MRPL53: variants seen among roughly 807,000 people sequenced by gnomAD.
MRPL53 encodes large ribosomal subunit protein mL53.
A neutral mutation model predicts 7.5 loss-of-function variants in MRPL53; 7 were observed. That is an observed-to-expected ratio of 0.93 (90% CI 0.53 to 1.75). The LOEUF (loss-of-function observed/expected upper bound fraction) is 1.75. MRPL53 is among the 40% of genes most tolerant of loss of function. The probability of loss-of-function intolerance (pLI) is 0.00; values close to 1 mark genes in which losing one functional copy is unlikely to be tolerated. For synonymous variants in MRPL53, 84 were observed against 64.4 expected, an observed-to-expected ratio of 1.30 and a Z score of -1.46; for missense variants, 185 against 159.0, an observed-to-expected ratio of 1.16 and a Z score of -0.88.
chr2:74,472,067 G>C lies in MRPL53; in HGVS notation c.*52C>G. ...AATGATTAAGTGAAACTCTTCTTAG[G>C]TTAAGTGTCCTAGTCCACGCTAAAA... On this transcript the variant is annotated 3_prime_UTR_variant, in exon 3 of 3. Transcript: ENST00000258105. 1.9e-6 allele frequency: 3 copies of C among 1,602,948 alleles called. No individual in the cohort carries two copies. The highest frequency in any genetic ancestry group is 2.6e-6 in the Non-Finnish European group (3 of 1,172,760).
Position 74,472,375 on chromosome 2 carries a change from C to T in MRPL53, c.188G>A (p.Cys63Tyr), listed in dbSNP as rs150665596. 10 of 1,613,980 alleles carry T rather than the reference C, an allele frequency of 6.2e-6. No individual in the cohort carries two copies. Among genetic ancestry groups the T allele is most frequent in the Non-Finnish European group, 8.5e-6 (10 of 1,179,932 alleles). ...AAGCCCACCGAACAGCACGTCCACG[C>T]AGGGCTCGGAGCCGTCATGCCTCAC... ...ADVRHDGSEP[C>Y]VDVLFGDGHR... The change falls in exon 2 of 3, where the codon TGC becomes TAC. Residue 63 changes from cysteine (C) to tyrosine (Y), a missense_variant. Physicochemically the swap from Cys to Tyr is radical, Grantham distance 194. Transcript: ENST00000258105.
rs1480996736 is a variant in MRPL53, at chr2:74,471,999, T to A, written c.*120A>T. On this transcript the variant is annotated 3_prime_UTR_variant, in exon 3 of 3. Transcript: ENST00000258105. ...CAGAAACATTGTGGTAGCAGGGTTT[T>A]AAACTTTATTTTGCGCTCCGTGACC... 1.5e-6 allele frequency: 2 copies of A among 1,362,430 alleles called. No individual in the cohort carries two copies. Among genetic ancestry groups the A allele is most frequent in the Non-Finnish European group, 2.0e-6 (2 of 993,450 alleles). 84.4% of individuals were successfully genotyped at this position (1,362,430 alleles called of 1,614,324 possible).
intron 1 of MRPL53, 36 bp from the exon 2 acceptor site, chr2:74,472,506 G>C: frequency 1.9e-6 from 3 of 1,613,470 alleles, no homozygotes; most frequent in African/African-American, 1.3e-5. Flanking sequence ...CAAGCTGAGG[G>C]CTTAAAGCCC....
chr2:74,472,108 CTT>C lies in MRPL53; in HGVS notation c.*9_*10del, dbSNP rs763066742. The C allele has an allele frequency of 1.7e-5, 27 of 1,613,734 alleles. No homozygotes were observed. In the South Asian group the frequency reaches 2.9e-4, roughly 17 times the overall value. The stretch of plus-strand genomic sequence containing the variant: ...CACGCTAAAATCATCTTGTTGGTCT[CTT>C]TGGCGCTGTCAGCGACCAGTATCAG... On this transcript the variant is annotated 3_prime_UTR_variant, in exon 3 of 3. Transcript: ENST00000258105.
chr2:74,472,106 C>A lies in MRPL53; in HGVS notation c.*13G>T. 1 of 1,613,282 alleles carries A rather than the reference C, an allele frequency of 6.2e-7. No homozygotes were observed. On this transcript the variant is annotated 3_prime_UTR_variant, in exon 3 of 3. Transcript: ENST00000258105. Reference sequence around the variant, plus strand: ...TCCACGCTAAAATCATCTTGTTGGTCTCTTTGGCGCTGTCAGCGACCAGTA... The same window carrying A: ...TCCACGCTAAAATCATCTTGTTGGTATCTTTGGCGCTGTCAGCGACCAGTA...
Position 74,472,394 on chromosome 2 carries a change from G to A in MRPL53, c.169C>T (p.His57Tyr), listed in dbSNP as rs1672198931. Residue 57 changes from histidine (H) to tyrosine (Y), a missense_variant, in exon 2 of 3, where the codon CAT (histidine) becomes TAT (tyrosine). His to Tyr is a moderately conservative substitution (Grantham distance 83, BLOSUM62 2). Transcript: ENST00000258105. The stretch of plus-strand genomic sequence containing the variant: ...TCCACGCAGGGCTCGGAGCCGTCAT[G>A]CCTCACGTCCGCAATCACTGAGCAG... The part of the protein sequence containing the change: ...LNCSVIADVR[H>Y]DGSEPCVDVL... 1.2e-6 allele frequency: 2 copies of A among 1,613,934 alleles called. No homozygotes were observed. Among genetic ancestry groups the A allele is most frequent in the Non-Finnish European group, 1.7e-6 (2 of 1,179,946 alleles).
rs1047911 is a variant in MRPL53, at chr2:74,472,651, C to T, written c.10G>A (p.Ala4Thr). Residue 4 changes from alanine (A) to threonine (T), a missense_variant, in exon 1 of 3, where the codon GCC (alanine) becomes ACC (threonine). Transcript: ENST00000258105. MAA[A>T]LARLGLRPVK... is the part of the protein sequence containing the mutation. Reference sequence around the variant, plus strand: ...GGCCGCAGACCAAGCCGAGCCAAGGCAGCTGCCATGGTGACCTCCGCCCCG... The same window carrying T: ...GGCCGCAGACCAAGCCGAGCCAAGGTAGCTGCCATGGTGACCTCCGCCCCG... 1.5e-5 allele frequency: 24 copies of T among 1,613,996 alleles called. No individual in the cohort carries two copies. Among genetic ancestry groups the T allele is most frequent in the Middle Eastern group, 1.6e-4 (1 of 6,084 alleles).
chr2:74,472,241 G>A lies in MRPL53; in HGVS notation c.217C>T (p.Arg73Cys), dbSNP rs202083153. The change falls in exon 3 of 3, where the codon CGC becomes TGC. Residue 73 changes from arginine (R) to cysteine (C), a missense_variant. Arg to Cys is a radical substitution (Grantham distance 180). Coordinates refer to ENST00000258105, the MANE Select transcript of MRPL53 (RefSeq NM_053050.5). ...AGATGAGCGCCGCGCATAATCAGGC[G>A]ATGCCCGTCTCCTGGGGAAGAAACA... ...CVDVLFGDGH[R>C]LIMRGAHLTA... 30 of 1,614,026 alleles carry A rather than the reference G, an allele frequency of 1.9e-5. No individual in the cohort carries two copies. In the Admixed American group the frequency reaches 3.2e-4, roughly 17 times the overall value.
rs1017127402 is a variant in MRPL53 at position 74,472,094 on chromosome 2, C to T, written c.*25G>A. 5 of 1,612,414 alleles carry T rather than the reference C, an allele frequency of 3.1e-6. No homozygotes were observed. The African/African-American group carries it at 4.0e-5, about 13-fold the overall frequency. On this transcript the variant is annotated 3_prime_UTR_variant, in exon 3 of 3. Transcript: ENST00000258105. ...TAAGTGTCCTAGTCCACGCTAAAATCATCTTGTTGGTCTCTTTGGCGCTGT... is the reference window on the plus strand; with the variant it reads ...TAAGTGTCCTAGTCCACGCTAAAATTATCTTGTTGGTCTCTTTGGCGCTGT...
chr2:74,472,114 C>T lies in MRPL53; in HGVS notation c.*5G>A, dbSNP rs750311137. On this transcript the variant is annotated 3_prime_UTR_variant, in exon 3 of 3. Coordinates refer to ENST00000258105, the MANE Select transcript of MRPL53 (RefSeq NM_053050.5). ...AAAATCATCTTGTTGGTCTCTTTGG[C>T]GCTGTCAGCGACCAGTATCAGCGCC... 2 of 1,613,744 alleles carry T rather than the reference C, an allele frequency of 1.2e-6. No individual in the cohort carries two copies. The highest frequency in any genetic ancestry group is 3.3e-5 in the Admixed American group (2 of 60,014).
At position 74,472,417 on chromosome 2, in the gene MRPL53, C is replaced by A; in HGVS notation, c.146G>T (p.Cys49Phe). 1 of 1,614,008 alleles carries A rather than the reference C, an allele frequency of 6.2e-7. No individual in the cohort carries two copies. Among genetic ancestry groups the A allele is most frequent in the East Asian group, 2.2e-5 (1 of 44,880 alleles). ...ATGCCTCACGTCCGCAATCACTGAG[C>A]AGTTGAGATTAGTGGAGCGGACCTT... The part of the protein sequence containing the change: ...SEKVRSTNLN[C>F]SVIADVRHDG... Residue 49 changes from cysteine (C) to phenylalanine (F), a missense_variant, in exon 2 of 3, where the codon TGC becomes TTC. Transcript: ENST00000258105.
rs764332714 is a variant in MRPL53, at chr2:74,472,648, A to G, written c.13T>C (p.Leu5=). The part of the protein sequence containing the change: MAAA[L]ARLGLRPVKQ... ...ACAGGCCGCAGACCAAGCCGAGCCAAGGCAGCTGCCATGGTGACCTCCGCC... is the reference window on the plus strand; with the variant it reads ...ACAGGCCGCAGACCAAGCCGAGCCAGGGCAGCTGCCATGGTGACCTCCGCC... Residue 5 remains leucine (L), a synonymous_variant, in exon 1 of 3, where the codon TTG becomes CTG. Coordinates refer to ENST00000258105, the MANE Select transcript of MRPL53 (RefSeq NM_053050.5). 1.9e-6 allele frequency: 3 copies of G among 1,614,230 alleles called. No individual in the cohort carries two copies. In the South Asian group the frequency reaches 3.3e-5, roughly 18 times the overall value.
rs779678862 is a variant in MRPL53 at position 74,472,120 on chromosome 2, C to A, written c.338G>T (p.Ter113LeuextTer14). 1.9e-6 allele frequency: 3 copies of A among 1,613,944 alleles called. No individual in the cohort carries two copies. In the Admixed American group the frequency reaches 5.0e-5, roughly 27 times the overall value. ...ATCTTGTTGGTCTCTTTGGCGCTGT[C>A]AGCGACCAGTATCAGCGCCCGGCTT... ...GDKPGADTGR[*>L] The change falls in exon 3 of 3, where the codon TGA (stop) becomes TTA (leucine). Residue 113 changes from the stop codon to leucine (L), a stop_lost. Transcript: ENST00000258105.
Position 74,472,420 on chromosome 2 carries a change from T to C in MRPL53, c.143A>G (p.Asn48Ser), listed in dbSNP as rs751173436. 9 of 1,613,832 alleles carry C rather than the reference T, an allele frequency of 5.6e-6. No individual in the cohort carries two copies. The highest frequency in any genetic ancestry group is 6.8e-6 in the Non-Finnish European group (8 of 1,179,924). ...CCTCACGTCCGCAATCACTGAGCAG[T>C]TGAGATTAGTGGAGCGGACCTTCTC... Reference protein sequence around the residue: ...SSEKVRSTNLNCSVIADVRHD... With the variant: ...SSEKVRSTNLSCSVIADVRHD... The change falls in exon 2 of 3, where the codon AAC becomes AGC. Residue 48 changes from asparagine (N) to serine (S), a missense_variant. By Grantham distance (46) the Asn-to-Ser change is conservative. Transcript: ENST00000258105.
In MRPL53 at chr2:74,472,636, C is replaced by G. The variant is rs111410167; in HGVS notation, c.25G>C (p.Gly9Arg). The change falls in exon 1 of 3, where the codon GGT becomes CGT. Residue 9 changes from glycine (G) to arginine (R), a missense_variant. Coordinates refer to ENST00000258105, the MANE Select transcript of MRPL53 (RefSeq NM_053050.5). MAAALARLGLRPVKQVRVQ... is the reference protein window; with the variant it reads MAAALARLRLRPVKQVRVQ... ...CGAACCTGTTTGACAGGCCGCAGACCAAGCCGAGCCAAGGCAGCTGCCATG... is the reference window on the plus strand; with the variant it reads ...CGAACCTGTTTGACAGGCCGCAGACGAAGCCGAGCCAAGGCAGCTGCCATG... The G allele has an allele frequency of 1.2e-6, 2 of 1,614,214 alleles. No individual in the cohort carries two copies. The highest frequency in any genetic ancestry group is 1.7e-6 in the Non-Finnish European group (2 of 1,180,038).
Position 74,472,150 on chromosome 2 carries a change from C to T in MRPL53, c.308G>A (p.Gly103Glu), listed in dbSNP as rs1421664112. Reference protein sequence around the residue: ...HIRARDAAGSGDKPGADTGR With the variant: ...HIRARDAAGSEDKPGADTGR ...ACCAGTATCAGCGCCCGGCTTGTCCCCGCTGCCCGCCGCGTCCCTGGCCCG... is the reference window on the plus strand; with the variant it reads ...ACCAGTATCAGCGCCCGGCTTGTCCTCGCTGCCCGCCGCGTCCCTGGCCCG... Residue 103 changes from glycine (G) to glutamate (E), a missense_variant, in exon 3 of 3, where the codon GGG becomes GAG. Gly to Glu is a moderately conservative substitution (Grantham distance 98). Transcript: ENST00000258105. 3.7e-6 allele frequency: 6 copies of T among 1,614,170 alleles called. No homozygotes were observed. The highest frequency in any genetic ancestry group is 1.1e-5 in the South Asian group (1 of 91,080).
In MRPL53 at chr2:74,472,651, C is replaced by G; in HGVS notation, c.10G>C (p.Ala4Pro). MAA[A>P]LARLGLRPVK... The stretch of plus-strand genomic sequence containing the variant: ...GGCCGCAGACCAAGCCGAGCCAAGG[C>G]AGCTGCCATGGTGACCTCCGCCCCG... Residue 4 changes from alanine (A) to proline (P), a missense_variant, in exon 1 of 3, where the codon GCC (alanine) becomes CCC (proline). Physicochemically the swap from Ala to Pro is conservative, Grantham distance 27. Coordinates refer to ENST00000258105, the MANE Select transcript of MRPL53 (RefSeq NM_053050.5). 3.1e-6 allele frequency: 5 copies of G among 1,614,080 alleles called. No homozygotes were observed. Among genetic ancestry groups the G allele is most frequent in the Non-Finnish European group, 4.2e-6 (5 of 1,180,006 alleles).
rs1672209305 is a variant in MRPL53, at chr2:74,472,628, C to G, written c.33G>C (p.Arg11=). 6.2e-7 allele frequency: 1 copy of G among 1,614,264 alleles called. No individual in the cohort carries two copies. Among genetic ancestry groups the G allele is most frequent in the Non-Finnish European group, 8.5e-7 (1 of 1,180,048 alleles). MAAALARLGL[R]PVKQVRVQFC... ...ACTGAACCCGAACCTGTTTGACAGG[C>G]CGCAGACCAAGCCGAGCCAAGGCAG... is the stretch of plus-strand genomic sequence containing the variant. The change falls in exon 1 of 3, where the codon CGG becomes CGC. Residue 11 remains arginine, a synonymous_variant. Transcript: ENST00000258105.
Position 74,472,093 on chromosome 2 carries a change from T to C in MRPL53, c.*26A>G, listed in dbSNP as rs765418126. The C allele has an allele frequency of 3.7e-6, 6 of 1,612,352 alleles. No homozygotes were observed. The South Asian group carries it at 5.5e-5, about 15-fold the overall frequency. ...TTAAGTGTCCTAGTCCACGCTAAAA[T>C]CATCTTGTTGGTCTCTTTGGCGCTG... On this transcript the variant is annotated 3_prime_UTR_variant, in exon 3 of 3. Transcript: ENST00000258105.
Sources: allele counts gnomAD v4.1 joint callset, GRCh38; gene constraint gnomAD v4.1.1; transcripts MANE v1.5; gene names NCBI Gene and HGNC (gene_info 2026-07-23, HGNC 2026-07-21).